The following TRPM2 variants were observed in gnomAD, a reference collection of about 807,000 sequenced individuals.
TRPM2 encodes the protein transient receptor potential cation channel subfamily M member 2.
In TRPM2, 161 loss-of-function variants were observed where a neutral mutation model predicts 174.0. The ratio of observed to expected loss-of-function variants is 0.93; its 90% confidence interval spans 0.81 to 1.05. TRPM2 has a LOEUF of 1.05. Ranked by LOEUF, TRPM2 falls within the 50% of genes least tolerant of loss-of-function variation. The probability of loss-of-function intolerance (pLI) is 0.00; values close to 1 mark genes in which losing one functional copy is unlikely to be tolerated. For missense variants in TRPM2, 2,057 were observed against 2,038.0 expected, an observed-to-expected ratio of 1.01 and a Z score of -0.18; for synonymous variants, 954 against 861.3, an observed-to-expected ratio of 1.11 and a Z score of -1.88.
intron 16 of TRPM2, among the ~76,000 whole-genome samples, chr21:44,402,998 C>A (rs2049679896): frequency 6.6e-6 from 1 of 152,152 alleles, no homozygotes; most frequent in Non-Finnish European, 1.5e-5. Context: ...GCACCGGCGT[C>A]CCCAGGAAGG....
At position 44,364,185 on chromosome 21, in the gene TRPM2, A is replaced by G. The variant is rs1209420823; in HGVS notation, c.326A>G (p.Gln109Arg). The change falls in exon 3 of 32, where the codon CAG becomes CGG. Residue 109 changes from glutamine to arginine, a missense_variant. Coordinates refer to ENST00000397928, the MANE Select transcript of TRPM2 (RefSeq NM_003307.4). Reference protein sequence around the residue: ...LEEATKPHTFQGTQWDPKKHV... With the variant: ...LEEATKPHTFRGTQWDPKKHV... ...GAGGCTACCAAGCCCCACACCTTCC[A>G]GGGCACACAGTGGGACCCAAAGAAA... The G allele has an allele frequency of 6.2e-7, 1 of 1,614,220 alleles. No homozygotes were observed. Among genetic ancestry groups the G allele is most frequent in the South Asian group, 1.1e-5 (1 of 91,084 alleles).
At chr21:44,425,502 G>A (rs1026291414) in intron 24 of TRPM2, 168 bp from the exon 25 acceptor site, 1 of 759,704 alleles carries the variant, frequency 1.3e-6, no homozygotes, top group Non-Finnish European at 1.9e-6. Flanking sequence ...CTCCCTGGGG[G>A]CCCTGCCCAC....
rs191684960 is a variant in TRPM2, at chr21:44,422,360, C to T, written c.3462-1285C>T. ...TCACGGTGGTGGAATCACGCGGGTC[C>T]GAGAAGGCTCCAGTAACCACCCTCG... On this transcript the variant is annotated intron_variant, in intron 22 of 31. Transcript: ENST00000397928. 1.8e-5 allele frequency: 27 copies of T among 1,536,006 alleles called. No individual in the cohort carries two copies. The East Asian group carries it at 3.4e-4, about 19-fold the overall frequency.
intron 9 of TRPM2, among the ~76,000 whole-genome samples, chr21:44,385,971 G>A (rs1446483455): frequency 3.3e-5 from 5 of 152,164 alleles, no homozygotes; most frequent in East Asian, 3.8e-4. Context: ...TGAGATTTGG[G>A]TGGGGACACA....
chr21:44,384,999 C>A (rs1243842213), intron 9 of TRPM2, among the ~76,000 whole-genome samples: 3 of 152,162 alleles, frequency 2.0e-5, no homozygotes, highest in African/African-American at 7.2e-5. Context: ...AAACTACAGA[C>A]CAATATCCAT....
chr21:44,406,722 C>A lies in TRPM2; in HGVS notation c.2919C>A (p.His973Gln), dbSNP rs1300221568. 4 of 1,608,374 alleles carry A rather than the reference C, an allele frequency of 2.5e-6. No individual in the cohort carries two copies. The highest frequency in any genetic ancestry group is 3.4e-5 in the Admixed American group (2 of 59,292). Residue 973 changes from histidine (H) to glutamine (Q), a missense_variant, in exon 19 of 32, where the codon CAC becomes CAA. Physicochemically the swap from His to Gln is conservative, Grantham distance 24 (BLOSUM62 0). Coordinates refer to ENST00000397928, the MANE Select transcript of TRPM2 (RefSeq NM_003307.4). ...VDWLFRGAVY[H>Q]SYLTIFGQIP... ...GGCTGTTCCGAGGGGCCGTCTACCACTCCTACCTCACCATCTTCGGGCAGA... is the reference window on the plus strand; with the variant it reads ...GGCTGTTCCGAGGGGCCGTCTACCAATCCTACCTCACCATCTTCGGGCAGA...
At chr21:44,417,578 G>A (rs112971439) in intron 20 of TRPM2, among the ~76,000 whole-genome samples, 4 of 92,316 alleles carry the variant, frequency 4.3e-5, no homozygotes, top group Non-Finnish European at 8.2e-5. Context: ...CAGTGGGCAC[G>A]TGGGCGTGGC....
intron 5 of TRPM2, among the ~76,000 whole-genome samples, chr21:44,374,399 C>G (rs774144527): frequency 6.6e-6 from 1 of 152,018 alleles, no homozygotes; most frequent in Non-Finnish European, 1.5e-5. Context: ...CAGATGGGGG[C>G]GGGGTGGTAA....
At position 44,358,572 on chromosome 21, in the gene TRPM2, C is replaced by T. The variant is rs2048121532; in HGVS notation, c.254+3836C>T. On this transcript the variant is annotated intron_variant, in intron 2 of 31. Transcript: ENST00000397928. ...TCCAGCATCACATCAGGCTTGCAAACGCCATGCAGGTTCAAGTTCCAATCT... is the reference window on the plus strand; with the variant it reads ...TCCAGCATCACATCAGGCTTGCAAATGCCATGCAGGTTCAAGTTCCAATCT... Among the ~76,000 whole-genome samples the T allele has an allele frequency of 2.6e-5, 4 of 152,314 alleles. No homozygotes were observed. In the South Asian group the frequency reaches 8.3e-4, roughly 32 times the overall value.
intron 17 of TRPM2, 27 bp downstream of exon 17, chr21:44,405,287 C>G: frequency 6.2e-7 from 1 of 1,609,692 alleles, no homozygotes; most frequent in Non-Finnish European, 8.5e-7. Flanking sequence ...CGATGGCGGG[C>G]CCGTCTGAGG....
chr21:44,410,414 A>G (rs1206683000), intron 19 of TRPM2, among the ~76,000 whole-genome samples: 1 of 57,708 alleles, frequency 1.7e-5, no homozygotes, highest in Non-Finnish European at 3.8e-5. Flanking sequence ...TTTTGACTGC[A>G]CTCTCTTGGT....
chr21:44,363,227 T>C (rs1215744652), intron 2 of TRPM2, among the ~76,000 whole-genome samples: 5 of 152,244 alleles, frequency 3.3e-5, no homozygotes, highest in African/African-American at 7.2e-5. Context: ...ATTTTGGCCA[T>C]GACTTCTTTA....
At chr21:44,360,359 C>T (rs139060632) in intron 2 of TRPM2, among the ~76,000 whole-genome samples, 67 of 152,188 alleles carry the variant, frequency 4.4e-4, no homozygotes, top group African/African-American at 1.6e-3. Context: ...AGACCTTGGG[C>T]GAGGTGCTAG....
chr21:44,403,338 C>A (rs2049695275), intron 16 of TRPM2, among the ~76,000 whole-genome samples: 1 of 152,198 alleles, frequency 6.6e-6, no homozygotes, highest in Non-Finnish European at 1.5e-5. Context: ...CAAATGGGGG[C>A]TCCCACAGCC....
At position 44,395,390 on chromosome 21, in the gene TRPM2, C is replaced by G. The variant is rs373665126; in HGVS notation, c.1795-24C>G. 12 of 1,611,416 alleles carry G rather than the reference C, an allele frequency of 7.4e-6. No homozygotes were observed. The African/African-American group carries it at 1.6e-4, about 22-fold the overall frequency. ...TCTGAGCCAGGCGGCCCGGCTGGGG[C>G]TCTGACAGTTCACTGCTCACCAGGT... On this transcript the variant is annotated intron_variant, in intron 11 of 31. Coordinates refer to ENST00000397928, the MANE Select transcript of TRPM2 (RefSeq NM_003307.4).
In TRPM2 at chr21:44,399,514, T is replaced by C; in HGVS notation, c.2208+73T>C. The C allele has an allele frequency of 2.0e-6, 3 of 1,536,700 alleles. No homozygotes were observed. In the South Asian group the frequency reaches 3.7e-5, roughly 19 times the overall value. ...CAGGGCGGACACAGCCTCCTGTTCG[T>C]GCAGTTGGCACGCACACTCACACAG... On this transcript the variant is annotated intron_variant, in intron 14 of 31. Coordinates refer to ENST00000397928, the MANE Select transcript of TRPM2 (RefSeq NM_003307.4). This position sits in a 1 kb window ranked among gnomAD's most constrained non-coding sequence, Gnocchi z 4.6.
intron 27 of TRPM2, among the ~76,000 whole-genome samples, chr21:44,427,859 G>T (rs2050863441): frequency 6.6e-6 from 1 of 152,170 alleles, no homozygotes; most frequent in Non-Finnish European, 1.5e-5. Context: ...CAGAGGTCCT[G>T]GCCAGGTGGC....
At chr21:44,420,324 G>C (rs2050505543) in intron 22 of TRPM2, among the ~76,000 whole-genome samples, 1 of 152,198 alleles carries the variant, frequency 6.6e-6, no homozygotes, top group Non-Finnish European at 1.5e-5. Context: ...GGGTTTGTGG[G>C]TTGTGTCATG....
chr21:44,367,752 C>T lies in TRPM2; in HGVS notation c.604+818C>T, dbSNP rs924301252. On this transcript the variant is annotated intron_variant, in intron 4 of 31. Transcript: ENST00000397928. The surrounding 1 kb of genome is among the most constrained non-coding windows in gnomAD (Gnocchi z 4.6). ...TCTTTGCCTCGCAGTGGAGTCGTAA[C>T]TGAGCCTGACTTGGCCTGCATGGCT... Among the ~76,000 whole-genome samples the T allele has an allele frequency of 2.0e-5, 3 of 152,224 alleles. No individual in the cohort carries two copies. The highest frequency in any genetic ancestry group is 2.9e-5 in the Non-Finnish European group (2 of 68,042).
Sources: gnomAD v4.1 joint callset for allele counts (sites outside exome capture counted in the v4.1 genomes callset) on GRCh38, gnomAD v4.1.1 for gene constraint, Gnocchi (gnomAD v3.1) non-coding constraint, MANE v1.5 for transcripts, NCBI Gene and HGNC (gene_info 2026-07-23, HGNC 2026-07-21) for gene names.